The following RFC2 variants were observed in gnomAD, a reference collection of about 807,000 sequenced individuals.
RFC2 encodes the protein A1 40 kDa subunit.
A neutral mutation model predicts 44.8 loss-of-function variants in RFC2; 34 were observed. The observed-to-expected ratio is 0.76, with a 90% CI of 0.58 to 1.01. The LOEUF (loss-of-function observed/expected upper bound fraction) is 1.01, where lower values mean the gene tolerates loss of function less well. Ranked by LOEUF, RFC2 falls within the 50% of genes least tolerant of loss-of-function variation. RFC2 has a pLI of 0.00. For synonymous variants in RFC2, 177 were observed against 168.9 expected (o/e 1.05, Z -0.37); for missense variants, 400 against 453.6 (o/e 0.88, Z 1.07).
intron 9 of RFC2, among the ~76,000 whole-genome samples, chr7:74,236,847 T>C (rs1233386493): frequency 6.6e-6 from 1 of 152,096 alleles, no homozygotes; most frequent in Non-Finnish European, 1.5e-5. Context: ...TAGTCCCAGC[T>C]ACTTGGGAGG....
chr7:74,251,939 T>C (rs1564001570), intron 2 of RFC2, among the ~76,000 whole-genome samples: 1 of 117,018 alleles, frequency 8.5e-6, no homozygotes, highest in East Asian at 2.6e-4. Context: ...CTACTAAAAA[T>C]ACAAAAAAAA....
At chr7:74,243,367 A>G in intron 5 of RFC2, 121 bp from the exon 6 acceptor site, 1 of 685,052 alleles carries the variant, frequency 1.5e-6, no homozygotes. Flanking sequence ...TCTCATTGGA[A>G]GTACGCAGGC....
chr7:74,235,848 A>G (rs1457677924), intron 9 of RFC2, among the ~76,000 whole-genome samples: 1 of 152,034 alleles, frequency 6.6e-6, no homozygotes, highest in Non-Finnish European at 1.5e-5. Context: ...TATAAAGATA[A>G]GAGTCTTGCT....
intron 10 of RFC2, among the ~76,000 whole-genome samples, chr7:74,233,593 TG>T (rs1204047080): frequency 3.4e-5 from 5 of 148,614 alleles, no homozygotes; most frequent in South Asian, 2.1e-4. Context: ...TTGTTGTTAT[TG>T]GTTTTTTTTT....
intron 4 of RFC2, 115 bp from the exon 5 acceptor site, chr7:74,246,878 GT>G (rs1197971935): frequency 1.9e-5 from 10 of 521,888 alleles, no homozygotes; most frequent in South Asian, 3.1e-5. Flanking sequence ...CCATTTTTGA[GT>G]TTTTTTGGGG....
intron 5 of RFC2, among the ~76,000 whole-genome samples, chr7:74,244,985 G>A (rs186189481): frequency 2.8e-4 from 43 of 151,390 alleles, no homozygotes; most frequent in Admixed American, 2.3e-3. Context: ...AAAAAACAAC[G>A]TTATAGGGTT....
At chr7:74,254,213 C>T in intron 1 of RFC2, 58 bp downstream of exon 1, 1 of 1,313,258 alleles carries the variant, frequency 7.6e-7, no homozygotes, top group Non-Finnish European at 1.1e-6. Flanking sequence ...GAGCACGGCC[C>T]GCCACTCGCC....
intron 5 of RFC2, among the ~76,000 whole-genome samples, chr7:74,243,840 T>C (rs1003197083): frequency 6.6e-6 from 1 of 151,016 alleles, no homozygotes; most frequent in Non-Finnish European, 1.5e-5. Flanking sequence ...TACCAGATTA[T>C]CATAATGTAG....
chr7:74,233,595 GTT>G (rs79258549), intron 10 of RFC2, among the ~76,000 whole-genome samples: 45 of 124,414 alleles, frequency 3.6e-4, no homozygotes, highest in African/African-American at 1.0e-3. Flanking sequence ...GTTGTTATTG[GTT>G]TTTTTTTTTT....
Position 74,252,447 on chromosome 7 carries a change from G to A in RFC2, c.165C>T (p.Asp55=). The A allele has an allele frequency of 6.2e-7, 1 of 1,601,726 alleles. No homozygotes were observed. The highest frequency in any genetic ancestry group is 1.1e-5 in the South Asian group (1 of 90,840). Residue 55 remains aspartate (D), a synonymous_variant, in exon 2 of 11, where the codon GAC becomes GAT. Transcript: ENST00000055077. ...CACTCACCTCTAGCCTGCTCACGGT[G>A]TCTTCATTCCCGACAATTTCATTCA... The part of the protein sequence containing the change: ...VKLNEIVGNE[D]TVSRLEVFAR...
chr7:74,238,829 C>T lies in RFC2; in HGVS notation c.759+94G>A. The T allele has an allele frequency of 1.0e-6, 1 of 971,430 alleles. No individual in the cohort carries two copies. The highest frequency in any genetic ancestry group is 1.6e-6 in the Non-Finnish European group (1 of 608,040). The allele number at this position is 971,430 out of a possible 1,614,324, so 60.2% of individuals were successfully genotyped here. The stretch of plus-strand genomic sequence containing the variant: ...GGCACCCACAAGAGCAGCTAGATGT[C>T]CGTCCCCACTGCCAGCCCAGCCCTT... On this transcript the variant is annotated intron_variant, in intron 8 of 10. Transcript: ENST00000055077. The surrounding 1 kb of genome is among the most constrained non-coding windows in gnomAD (Gnocchi z 4.0).
At chr7:74,253,465 C>T (rs1787090417) in intron 1 of RFC2, 1 of 152,220 alleles carries the variant, frequency 6.6e-6, no homozygotes, top group African/African-American at 2.4e-5. Context: ...TGGCTCATGC[C>T]TGTAATCCCA....
chr7:74,251,522 G>C (rs556583767), intron 2 of RFC2, among the ~76,000 whole-genome samples: 1 of 152,174 alleles, frequency 6.6e-6, no homozygotes, highest in Non-Finnish European at 1.5e-5. Flanking sequence ...ACTCAAGGCC[G>C]CTCGTGGTGG....
intron 1 of RFC2, 124 bp from the exon 2 acceptor site, chr7:74,252,622 T>C (rs1787034341): frequency 2.9e-6 from 2 of 689,530 alleles, no homozygotes; most frequent in Non-Finnish European, 5.3e-6. Context: ...CTATGCCAAA[T>C]GGTTGCAAGT....
chr7:74,241,168 G>T (rs112234023), intron 6 of RFC2, among the ~76,000 whole-genome samples: 10,829 of 150,658 alleles, frequency 0.072, 1,254 homozygotes, highest in African/African-American at 0.24. Context: ...AGACCTTAGG[G>T]GATCCACCTG....
intron 10 of RFC2, among the ~76,000 whole-genome samples, chr7:74,234,965 A>T (rs1470892508): frequency 6.6e-6 from 1 of 151,888 alleles, no homozygotes; most frequent in Non-Finnish European, 1.5e-5. Context: ...CCTCCCTCCC[A>T]CTGCAGTTGG....
At chr7:74,233,605 T>TG (rs1802848038) in intron 10 of RFC2, among the ~76,000 whole-genome samples, 1 of 149,568 alleles carries the variant, frequency 6.7e-6, no homozygotes, top group East Asian at 1.9e-4. Context: ...GTTTTTTTTT[T>TG]TTTTTTTTTT....
At chr7:74,252,561 C>G in intron 1 of RFC2, 63 bp from the exon 2 acceptor site, 1 of 934,936 alleles carries the variant, frequency 1.1e-6, no homozygotes, top group Non-Finnish European at 1.8e-6. Context: ...CAAAAAGCAC[C>G]TAAGGGTTAT....
At chr7:74,253,783 A>T (rs1295866647) in intron 1 of RFC2, 3 of 161,656 alleles carry the variant, frequency 1.9e-5, no homozygotes, top group Non-Finnish European at 4.1e-5. Flanking sequence ...TAGGAGGCTG[A>T]GGCAGGGGGA....
Sources: allele counts gnomAD v4.1 joint callset (sites outside exome capture counted in the v4.1 genomes callset), GRCh38; gene constraint gnomAD v4.1.1; non-coding constraint Gnocchi (gnomAD v3.1); transcripts MANE v1.5; gene names NCBI Gene and HGNC (gene_info 2026-07-23, HGNC 2026-07-21).